TNXB: variants seen among roughly 807,000 people sequenced by gnomAD.
The protein encoded by TNXB is tenascin-X.
Under a neutral mutation model 340.5 loss-of-function variants are expected in TNXB, and 183 were observed. The ratio of observed to expected loss-of-function variants is 0.54; its 90% CI spans 0.48 to 0.61. The LOEUF (loss-of-function observed/expected upper bound fraction) is 0.61, where lower values mean the gene tolerates loss of function less well. Among genes scored for constraint, TNXB ranks in the 20% least tolerant of loss-of-function variants. The pLI is 0.00. For synonymous variants in TNXB, 2,121 were observed against 2,314.5 expected (o/e 0.92, Z 2.40); for missense variants, 4,613 against 5,446.4 (o/e 0.85, Z 4.82).
intron 6 of TNXB, among the ~76,000 whole-genome samples, chr6:32,088,094 C>A (rs900777414): frequency 3.3e-5 from 5 of 152,222 alleles, no homozygotes; most frequent in Non-Finnish European, 7.3e-5. Context: ...GAGCCAGAGG[C>A]CTCTTCCCTG....
chr6:32,050,297 G>A lies in TNXB; in HGVS notation c.9140C>T (p.Thr3047Ile). 1.2e-6 allele frequency: 2 copies of A among 1,613,074 alleles called. No homozygotes were observed. The highest frequency in any genetic ancestry group is 1.7e-6 in the Non-Finnish European group (2 of 1,179,666). ...AGGGGTCATGGTAGGCACTGCTTGG[G>A]TGGTCTCGGCTTCATCCTTTGGAGC... Reference protein sequence around the residue: ...VTAPKDEAETTQAVPTMTPEP... With the variant: ...VTAPKDEAETIQAVPTMTPEP... Residue 3047 changes from threonine to isoleucine, a missense_variant, in exon 27 of 44, where the codon ACC (threonine) becomes ATC (isoleucine). Coordinates refer to ENST00000644971, the MANE Select transcript of TNXB (RefSeq NM_001365276.2).
Position 32,062,604 on chromosome 6 carries a change from AATATC to A in TNXB, c.6842-126_6842-122del. 1 of 971,212 alleles carries A rather than the reference AATATC, an allele frequency of 1.0e-6. No individual in the cohort carries two copies. Among genetic ancestry groups the A allele is most frequent in the Admixed American group, 2.9e-5 (1 of 34,810 alleles). 60.2% of individuals were successfully genotyped at this position (971,212 alleles called of 1,614,324 possible). ...CTGGATGCTGGTGCCCCAAGCTTAG[AATATC>A]ATTTTTCTGCTTTGAATGTTCAGTT... On this transcript the variant is annotated intron_variant, in intron 19 of 43. Coordinates refer to ENST00000644971, the MANE Select transcript of TNXB (RefSeq NM_001365276.2). The surrounding 1 kb of genome is among the most constrained non-coding windows in gnomAD (Gnocchi z 4.3).
rs765777692 is a variant in TNXB at position 32,056,671 on chromosome 6, C to T, written c.8058G>A (p.Leu2686=). The T allele has an allele frequency of 6.2e-7, 1 of 1,613,122 alleles. No homozygotes were observed. The highest frequency in any genetic ancestry group is 8.5e-7 in the Non-Finnish European group (1 of 1,179,886). Residue 2686 remains leucine, a synonymous_variant, in exon 23 of 44, where the codon CTG becomes CTA. Transcript: ENST00000644971. The stretch of plus-strand genomic sequence containing the variant: ...TCATCTTGTATTTATGGTCTGGCTC[C>T]AGGCCTGAGATGGTGACCCCGTCCT... The part of the protein sequence containing the change: ...GHEDGVTISG[L]EPDHKYKMNL...
rs150821987 is a variant in TNXB, at chr6:32,060,105, C to T, written c.7492+1292G>A. Among the ~76,000 whole-genome samples the T allele has an allele frequency of 1.8e-4, 27 of 151,986 alleles. No individual in the cohort carries two copies. The East Asian group carries it at 4.4e-3, about 25-fold the overall frequency. On this transcript the variant is annotated intron_variant, in intron 21 of 43. Coordinates refer to ENST00000644971, the MANE Select transcript of TNXB (RefSeq NM_001365276.2). ...ATCCCAGCACTTTGGGAGGCCGAGGCGGGCAGATCACCTGAGGTCAGGAGT... is the reference window on the plus strand; with the variant it reads ...ATCCCAGCACTTTGGGAGGCCGAGGTGGGCAGATCACCTGAGGTCAGGAGT...
At chr6:32,055,271 G>A (rs1179280229) in intron 24 of TNXB, among the ~76,000 whole-genome samples, 1 of 152,180 alleles carries the variant, frequency 6.6e-6, no homozygotes, top group African/African-American at 2.4e-5. Flanking sequence ...CAGTCCTCCT[G>A]CACTGCATGG....
chr6:32,074,208 T>C lies in TNXB; in HGVS notation c.4376-256A>G, dbSNP rs1778950704. Reference sequence around the variant, plus strand: ...ATTTTGTGTGTGTGTGTATTTTTAGTGGAGACGGCATTTGCCATGTTGGCC... The same window carrying C: ...ATTTTGTGTGTGTGTGTATTTTTAGCGGAGACGGCATTTGCCATGTTGGCC... On this transcript the variant is annotated intron_variant, in intron 11 of 43. Transcript: ENST00000644971. This position sits in a 1 kb window ranked among gnomAD's most constrained non-coding sequence, Gnocchi z 5.5. 6.6e-6 allele frequency among the ~76,000 whole-genome samples: 1 copy of C among 152,004 alleles called. No individual in the cohort carries two copies. The highest frequency in any genetic ancestry group is 1.5e-5 in the Non-Finnish European group (1 of 67,982).
At chr6:32,103,529 C>T (rs995783837) in intron 1 of TNXB, among the ~76,000 whole-genome samples, 1 of 151,856 alleles carries the variant, frequency 6.6e-6, no homozygotes, top group African/African-American at 2.4e-5. Flanking sequence ...CCACAGTTGT[C>T]AAAATTTATT....
rs1275489548 is a variant in TNXB, at chr6:32,044,183, T to C, written c.11264-54A>G. 15 of 1,419,314 alleles carry C rather than the reference T, an allele frequency of 1.1e-5. 2 individuals are homozygous for C. The highest frequency in any genetic ancestry group is 1.3e-5 in the Non-Finnish European group (14 of 1,046,296). 87.9% of individuals were successfully genotyped at this position (1,419,314 alleles called of 1,614,324 possible). ...AGGCAGGGGCAGGGAGGCTTCTCCCTACGAGTCCCCCCCTCGCCTCTGCTC... is the reference window on the plus strand; with the variant it reads ...AGGCAGGGGCAGGGAGGCTTCTCCCCACGAGTCCCCCCCTCGCCTCTGCTC... On this transcript the variant is annotated intron_variant, in intron 33 of 43. Coordinates refer to ENST00000644971, the MANE Select transcript of TNXB (RefSeq NM_001365276.2).
At position 32,098,216 on chromosome 6, in the gene TNXB, G is replaced by A; in HGVS notation, c.-8-10C>T. 6.7e-7 allele frequency: 1 copy of A among 1,487,000 alleles called. No homozygotes were observed. The highest frequency in any genetic ancestry group is 9.0e-7 in the Non-Finnish European group (1 of 1,115,522). 92.1% of individuals were successfully genotyped at this position (1,487,000 alleles called of 1,614,324 possible). On this transcript the variant is annotated splice_polypyrimidine_tract_variant and intron_variant, in intron 1 of 43. Transcript: ENST00000644971. The stretch of plus-strand genomic sequence containing the variant: ...GGCATCATTCAGGAGGCTGCAGGGA[G>A]AAAGGGTAGGTATGAGAGCAGCTTC...
rs921335155 is a variant in TNXB, at chr6:32,082,740, G to A, written c.3446-414C>T. Among the ~76,000 whole-genome samples, 2 of 152,108 alleles carry A rather than the reference G, an allele frequency of 1.3e-5. No homozygotes were observed. Among genetic ancestry groups the A allele is most frequent in the African/African-American group, 4.8e-5 (2 of 41,396 alleles). Reference sequence around the variant, plus strand: ...CTAGCTGGCTTCTTCTCCAAGAGAGGAGAGCACAATCCTTGAAGCGTTTTA... The same window carrying A: ...CTAGCTGGCTTCTTCTCCAAGAGAGAAGAGCACAATCCTTGAAGCGTTTTA... On this transcript the variant is annotated intron_variant, in intron 8 of 43. Coordinates refer to ENST00000644971, the MANE Select transcript of TNXB (RefSeq NM_001365276.2). The surrounding 1 kb of genome is among the most constrained non-coding windows in gnomAD (Gnocchi z 5.0).
intron 25 of TNXB, 33 bp downstream of exon 25, chr6:32,053,355 G>A (rs2151897137): frequency 1.2e-6 from 2 of 1,601,570 alleles, no homozygotes; most frequent in Non-Finnish European, 1.7e-6. Flanking sequence ...CCCTCCCACA[G>A]GCCCCACTCT....
At chr6:32,063,772 G>C (rs1778166500) in intron 19 of TNXB, among the ~76,000 whole-genome samples, 1 of 152,088 alleles carries the variant, frequency 6.6e-6, no homozygotes, top group African/African-American at 2.4e-5. Flanking sequence ...TCATTTGTCT[G>C]TTCTTTTTGA....
rs1290868582 is a variant in TNXB, at chr6:32,109,314, G to A, written c.-142C>T. ...CAGGGGCTGAGCCACAACCGACTGT[G>A]GATCTCGGCAGCGACAGTGAGGAGG... On this transcript the variant is annotated 5_prime_UTR_variant, in exon 1 of 44. Coordinates refer to ENST00000644971, the MANE Select transcript of TNXB (RefSeq NM_001365276.2). The A allele has an allele frequency of 6.6e-6, 1 of 152,354 alleles. No homozygotes were observed. The highest frequency in any genetic ancestry group is 1.5e-5 in the Non-Finnish European group (1 of 68,108). The allele number at this position is 152,354 out of a possible 1,614,324, so 9.4% of individuals were successfully genotyped here.
chr6:32,100,335 A>G (rs985236772), intron 1 of TNXB, among the ~76,000 whole-genome samples: 1 of 151,858 alleles, frequency 6.6e-6, no homozygotes, highest in African/African-American at 2.4e-5. Context: ...AAACTCCTGA[A>G]CTCAGGCAAT....
In TNXB at chr6:32,089,407, G is replaced by A. The variant is rs1478343547; in HGVS notation, c.2359-28C>T. ...GTGAGAGAGAGCACCAGGTGGCTCA[G>A]GGGCTGGCACTCTTGCCTCTGCTGC... On this transcript the variant is annotated intron_variant, in intron 4 of 43. Coordinates refer to ENST00000644971, the MANE Select transcript of TNXB (RefSeq NM_001365276.2). This position sits in a 1 kb window ranked among gnomAD's most constrained non-coding sequence, Gnocchi z 6.2. 6 of 1,590,218 alleles carry A rather than the reference G, an allele frequency of 3.8e-6. No individual in the cohort carries two copies. The highest frequency in any genetic ancestry group is 4.3e-6 in the Non-Finnish European group (5 of 1,170,328).
intron 23 of TNXB, 93 bp from the exon 24 acceptor site, chr6:32,056,267 G>A: frequency 7.0e-7 from 1 of 1,419,442 alleles, no homozygotes; most frequent in Non-Finnish European, 9.5e-7. Flanking sequence ...CCACTACTGG[G>A]TATGTGAGGT....
intron 21 of TNXB, among the ~76,000 whole-genome samples, chr6:32,060,313 CAA>C (rs1777929512): frequency 6.8e-6 from 1 of 146,760 alleles, no homozygotes; most frequent in African/African-American, 2.6e-5. Context: ...GCCTGGGCGA[CAA>C]GAGCGAAACT....
In TNXB at chr6:32,067,505, C is replaced by A. The variant is rs574155812; in HGVS notation, c.6544+156G>T. On this transcript the variant is annotated intron_variant, in intron 18 of 43. Transcript: ENST00000644971. This position sits in a 1 kb window ranked among gnomAD's most constrained non-coding sequence, Gnocchi z 4.2. The stretch of plus-strand genomic sequence containing the variant: ...GGCTCCGACACTTCTCCTGGATTTG[C>A]TCTCTCTGTCCCCAGATCACACCTG... Among the ~76,000 whole-genome samples, 1 of 152,184 alleles carries A rather than the reference C, an allele frequency of 6.6e-6. No homozygotes were observed.
intron 1 of TNXB, among the ~76,000 whole-genome samples, chr6:32,099,408 T>C (rs981747050): frequency 2.0e-5 from 3 of 152,140 alleles, no homozygotes; most frequent in African/African-American, 7.2e-5. Context: ...AATTTTTGTA[T>C]TTTTAGTAGA....
Sources: allele counts gnomAD v4.1 joint callset (sites outside exome capture counted in the v4.1 genomes callset), GRCh38; gene constraint gnomAD v4.1.1; non-coding constraint Gnocchi (gnomAD v3.1); transcripts MANE v1.5; gene names NCBI Gene and HGNC (gene_info 2026-07-23, HGNC 2026-07-21).